Variants in FRYL observed in about 807,000 individuals in gnomAD.
FRYL encodes protein furry homolog-like.
A neutral mutation model predicts 351.2 loss-of-function variants in FRYL; 150 were observed. The observed-to-expected ratio is 0.43, with a 90% CI of 0.37 to 0.49. The LOEUF (loss-of-function observed/expected upper bound fraction) is 0.49. Among genes scored for constraint, FRYL ranks in the 20% least tolerant of loss-of-function variants. FRYL has a pLI of 0.00. For synonymous variants in FRYL, 1,153 were observed against 1,257.1 expected, an observed-to-expected ratio of 0.92 and a Z score of 1.75; for missense variants, 3,036 against 3,619.3, an observed-to-expected ratio of 0.84 and a Z score of 4.13.
chr4:48,696,850 ATCTATC>A (rs1578751120), intron 2 of FRYL, among the ~76,000 whole-genome samples: 2 of 39,240 alleles, frequency 5.1e-5, no homozygotes, highest in East Asian at 1.1e-3. Context: ...TAAGAGATCT[ATCTATC>A]TATCTATCTA....
At chr4:48,753,029 G>A (rs1773410677) in intron 1 of FRYL, among the ~76,000 whole-genome samples, 1 of 152,024 alleles carries the variant, frequency 6.6e-6, no homozygotes, top group African/African-American at 2.4e-5. Flanking sequence ...CAGAAGGGGA[G>A]GAGGAATTAT....
intron 2 of FRYL, among the ~76,000 whole-genome samples, chr4:48,701,849 T>C (rs1265501670): frequency 6.6e-6 from 1 of 152,196 alleles, no homozygotes; most frequent in Non-Finnish European, 1.5e-5. Flanking sequence ...GCCCTGAATA[T>C]GCCATTACCC....
chr4:48,519,209 C>T (rs553785055), intron 55 of FRYL, among the ~76,000 whole-genome samples: 45 of 152,326 alleles, frequency 3.0e-4, no homozygotes, highest in African/African-American at 1.1e-3. Context: ...GCATATAGGA[C>T]TTCTCCTGTC....
intron 1 of FRYL, among the ~76,000 whole-genome samples, chr4:48,740,848 T>C (rs1340746446): frequency 6.6e-6 from 1 of 151,948 alleles, no homozygotes; most frequent in Non-Finnish European, 1.5e-5. Flanking sequence ...AGCTTGGTGG[T>C]TTTTTACAAA....
intron 2 of FRYL, among the ~76,000 whole-genome samples, chr4:48,702,570 T>A (rs1169855875): frequency 6.9e-6 from 1 of 144,112 alleles, no homozygotes; most frequent in African/African-American, 2.6e-5. Context: ...GGTCAGGAGA[T>A]CGAGACCATG....
At chr4:48,679,310 T>G (rs1764260260) in intron 3 of FRYL, among the ~76,000 whole-genome samples, 1 of 152,150 alleles carries the variant, frequency 6.6e-6, no homozygotes, top group African/African-American at 2.4e-5. Flanking sequence ...AAAAGCTCCT[T>G]CTTTATTCTT....
intron 3 of FRYL, among the ~76,000 whole-genome samples, chr4:48,647,322 G>A (rs909471510): frequency 6.6e-6 from 1 of 152,134 alleles, no homozygotes; most frequent in Non-Finnish European, 1.5e-5. Flanking sequence ...AGCAGGTACA[G>A]AGAAAGGTCA....
rs57136861 is a variant in FRYL at position 48,739,195 on chromosome 4, G to A, written c.-383-28497C>T. ...GCAGGTGGATCACTTGAGGCCAGGC[G>A]TTGAAGACCAGCCTGGCCAACATGG... On this transcript the variant is annotated intron_variant, in intron 1 of 63. Transcript: ENST00000358350. 3.4e-3 allele frequency among the ~76,000 whole-genome samples: 512 copies of A among 152,216 alleles called. 1 individual carries two copies. Among genetic ancestry groups the A allele is most frequent in the African/African-American group, 0.012 (482 of 41,542 alleles).
chr4:48,501,594 A>G (rs1228288649), intron 62 of FRYL, 29 bp downstream of exon 62: 1 of 1,206,878 alleles, frequency 8.3e-7, no homozygotes, highest in East Asian at 2.3e-5. Context: ...AGAATCAGTT[A>G]CTGATGCCTA....
At chr4:48,521,283 CAT>C (rs1245502720) in intron 54 of FRYL, 68 bp from the exon 55 acceptor site, 27 of 1,193,514 alleles carry the variant, frequency 2.3e-5, no homozygotes, top group Non-Finnish European at 3.6e-6. Flanking sequence ...CATTCTCTAT[CAT>C]AAAATATTTT....
At position 48,542,107 on chromosome 4, in the gene FRYL, C is replaced by T; in HGVS notation, c.5607G>A (p.Glu1869=). ...PGEDAQGFVI[E]LLLTLESAID... is the part of the protein sequence containing the mutation. Reference sequence around the variant, plus strand: ...TTGCAGATTCCAATGTGAGAAGAAGCTCAATCACAAATCCCTGGGGGGAAA... The same window carrying T: ...TTGCAGATTCCAATGTGAGAAGAAGTTCAATCACAAATCCCTGGGGGGAAA... Residue 1869 remains glutamate (E), a synonymous_variant, in exon 45 of 64, where the codon GAG becomes GAA. Coordinates refer to ENST00000358350, the MANE Select transcript of FRYL (RefSeq NM_015030.2). 3.7e-6 allele frequency: 6 copies of T among 1,613,072 alleles called. No homozygotes were observed. Among genetic ancestry groups the T allele is most frequent in the Non-Finnish European group, 5.1e-6 (6 of 1,179,146 alleles).
chr4:48,577,808 C>T (rs559241041), intron 23 of FRYL, among the ~76,000 whole-genome samples: 12 of 151,312 alleles, frequency 7.9e-5, no homozygotes, highest in South Asian at 2.1e-4. Flanking sequence ...CCCAGAAGTT[C>T]GACATTGCAA....
intron 3 of FRYL, among the ~76,000 whole-genome samples, chr4:48,641,264 T>C (rs181420945): frequency 6.6e-6 from 1 of 152,120 alleles, no homozygotes; most frequent in Non-Finnish European, 1.5e-5. Context: ...ATATAGCTTA[T>C]CAAGAGCAGA....
chr4:48,649,614 GAC>G (rs1294411976), intron 3 of FRYL, among the ~76,000 whole-genome samples: 1 of 152,112 alleles, frequency 6.6e-6, no homozygotes, highest in East Asian at 1.9e-4. Flanking sequence ...ACATCCTCAC[GAC>G]ACAGCTGGTT....
intron 7 of FRYL, among the ~76,000 whole-genome samples, chr4:48,615,501 A>C (rs1162564902): frequency 6.6e-6 from 1 of 152,368 alleles, no homozygotes; most frequent in South Asian, 2.1e-4. Flanking sequence ...TATTAAAAAG[A>C]GTATTGCTTC....
At position 48,609,000 on chromosome 4, in the gene FRYL, G is replaced by C. The variant is rs1466048644; in HGVS notation, c.559C>G (p.Leu187Val). 6.2e-7 allele frequency: 1 copy of C among 1,606,610 alleles called. No individual in the cohort carries two copies. The highest frequency in any genetic ancestry group is 1.3e-5 in the African/African-American group (1 of 74,712). ...TACAAAACTTACTTTGATTGGGCAAGAACCCCTATCACCTCTGCATATAAA... is the reference window on the plus strand; with the variant it reads ...TACAAAACTTACTTTGATTGGGCAACAACCCCTATCACCTCTGCATATAAA... Reference protein sequence around the residue: ...ADLYAEVIGVLAQSKFQAVRK... With the variant: ...ADLYAEVIGVVAQSKFQAVRK... Residue 187 changes from leucine (L) to valine (V), a missense_variant, in exon 9 of 64, where the codon CTT (leucine) becomes GTT (valine). Coordinates refer to ENST00000358350, the MANE Select transcript of FRYL (RefSeq NM_015030.2).
At chr4:48,510,722 T>C in intron 58 of FRYL, 113 bp downstream of exon 58, 1 of 836,536 alleles carries the variant, frequency 1.2e-6, no homozygotes, top group Non-Finnish European at 2.0e-6. Context: ...TATAATCATG[T>C]TGAAAATACG....
chr4:48,571,459 C>T (rs1205802374), intron 26 of FRYL, among the ~76,000 whole-genome samples: 4 of 152,192 alleles, frequency 2.6e-5, no homozygotes, highest in African/African-American at 4.8e-5. Context: ...AGAATAATAG[C>T]TGTAACATTT....
At chr4:48,750,115 T>TC in intron 1 of FRYL, among the ~76,000 whole-genome samples, 1 of 105,988 alleles carries the variant, frequency 9.4e-6, no homozygotes, top group Non-Finnish European at 1.9e-5. Flanking sequence ...GCCTGGTTGA[T>TC]AGAACAAGAC....
Sources: gnomAD v4.1 joint callset for allele counts (sites outside exome capture counted in the v4.1 genomes callset) on GRCh38, gnomAD v4.1.1 for gene constraint, MANE v1.5 for transcripts, NCBI Gene and HGNC (gene_info 2026-07-23, HGNC 2026-07-21) for gene names.